SCUBE1: variants seen among roughly 807,000 people sequenced by gnomAD.
The protein encoded by SCUBE1 is signal peptide, CUB domain and EGF like domain containing 1, also known as signal peptide, CUB and EGF-like domain-containing protein 1.
In SCUBE1, 59 loss-of-function variants were observed where a neutral mutation model predicts 124.4. The ratio of observed to expected loss-of-function variants is 0.47; its 90% CI spans 0.38 to 0.59. The LOEUF (loss-of-function observed/expected upper bound fraction) is 0.59. Ranked by LOEUF, SCUBE1 falls within the 20% of genes least tolerant of loss-of-function variation. SCUBE1 has a pLI of 0.00. For synonymous variants in SCUBE1, 545 were observed against 550.9 expected (o/e 0.99, Z 0.15); for missense variants, 1,150 against 1,371.2 (o/e 0.84, Z 2.55).
chr22:43,258,404 T>C lies in SCUBE1; in HGVS notation c.611-69A>G, dbSNP rs1407662194. On this transcript the variant is annotated intron_variant, in intron 5 of 21. Transcript: ENST00000360835. The surrounding 1 kb of genome is among the most constrained non-coding windows in gnomAD (Gnocchi z 5.0). The stretch of plus-strand genomic sequence containing the variant: ...ACAAAAACGGTTAGTTTGCCGGTGT[T>C]GGCGGCTGCCTTCAGGGTATGGGGA... The C allele has an allele frequency of 8.3e-7, 1 of 1,198,450 alleles. No individual in the cohort carries two copies. The highest frequency in any genetic ancestry group is 1.5e-5 in the African/African-American group (1 of 66,630). 74.2% of individuals were successfully genotyped at this position (1,198,450 alleles called of 1,614,324 possible). A position where few individuals can be genotyped will look rare whatever the true frequency, so the allele number is the denominator to read the frequency against.
chr22:43,221,437 G>T (rs1009121815), intron 12 of SCUBE1, 148 bp from the exon 13 acceptor site: 2 of 636,902 alleles, frequency 3.1e-6, no homozygotes, highest in Non-Finnish European at 5.7e-6. Context: ...CTCCTGGGGT[G>T]GGGGACCCTC....
chr22:43,280,542 C>CCTGTCCCTTCCCCTCACCCATCCTG (rs1569009559), intron 4 of SCUBE1, among the ~76,000 whole-genome samples: 6 of 69,748 alleles, frequency 8.6e-5, no homozygotes, highest in Admixed American at 1.7e-4. Context: ...CACCCATCCT[C>CCTGTCCCTTCCCCTCACCCATCCTG]CTGTCCCTTC....
intron 6 of SCUBE1, among the ~76,000 whole-genome samples, chr22:43,244,282 G>A (rs1923119690): frequency 6.6e-6 from 1 of 152,220 alleles, no homozygotes; most frequent in Admixed American, 6.5e-5. Flanking sequence ...CCCGAAAGCT[G>A]TCCCGAGCCT....
chr22:43,305,000 T>C (rs1254694060), intron 3 of SCUBE1, among the ~76,000 whole-genome samples: 1 of 152,180 alleles, frequency 6.6e-6, no homozygotes, highest in Admixed American at 6.5e-5. Flanking sequence ...ACCCGGGGCA[T>C]GTCCTGACAG....
chr22:43,292,435 T>C (rs982070012), intron 3 of SCUBE1, among the ~76,000 whole-genome samples: 1 of 152,286 alleles, frequency 6.6e-6, no homozygotes, highest in Middle Eastern at 3.4e-3. Flanking sequence ...GTTTGTTTAA[T>C]GAAAGAAGGG....
intron 5 of SCUBE1, among the ~76,000 whole-genome samples, chr22:43,261,920 G>A (rs1401162968): frequency 6.6e-6 from 1 of 152,194 alleles, no homozygotes; most frequent in Non-Finnish European, 1.5e-5. Context: ...GTAGCTGTGG[G>A]GAGGATGCAC....
chr22:43,256,800 G>A (rs1923677842), intron 6 of SCUBE1, among the ~76,000 whole-genome samples: 1 of 152,228 alleles, frequency 6.6e-6, no homozygotes, highest in Non-Finnish European at 1.5e-5. Flanking sequence ...GGGTGGCCCG[G>A]GAGAGCCCCA....
At chr22:43,335,823 A>ATGATGATAATGATGATGGTGG (rs1927051644) in intron 2 of SCUBE1, among the ~76,000 whole-genome samples, 1 of 134,776 alleles carries the variant, frequency 7.4e-6, no homozygotes, top group African/African-American at 2.7e-5. Context: ...GATGATGGTG[A>ATGATGATAATGATGATGGTGG]TGATGATGGT....
Position 43,199,301 on chromosome 22 carries a change from AGGGGCCTCC to A in SCUBE1, c.*4687_*4695del, listed in dbSNP as rs560124924. ...AGCATCGGTATGGCTTAAACAGGCC[AGGGGCCTCC>A]TGCCGTGGACAAGCCCAGGGGACAG... On this transcript the variant is annotated 3_prime_UTR_variant, in exon 22 of 22. Coordinates refer to ENST00000360835, the MANE Select transcript of SCUBE1 (RefSeq NM_173050.5). 233 of 160,978 alleles carry A rather than the reference AGGGGCCTCC, an allele frequency of 1.4e-3. 11 individuals carry two copies. Among genetic ancestry groups the A allele is most frequent in the South Asian group, 4.0e-3 (22 of 5,526 alleles). The allele number at this position is 160,978 out of a possible 1,614,324, so 10.0% of individuals were successfully genotyped here. A position where few individuals can be genotyped will look rare whatever the true frequency, so the allele number is the denominator to read the frequency against.
In SCUBE1 at chr22:43,258,817, G is replaced by A. The variant is rs1351358032; in HGVS notation, c.611-482C>T. On this transcript the variant is annotated intron_variant, in intron 5 of 21. Transcript: ENST00000360835. This position sits in a 1 kb window ranked among gnomAD's most constrained non-coding sequence, Gnocchi z 5.0. ...AGCTTTCCTTCCTCTGCCTGTCTTG[G>A]GGTGTGTGGATGTCTCCACGGAGGT... Among the ~76,000 whole-genome samples, 3 of 152,144 alleles carry A rather than the reference G, an allele frequency of 2.0e-5. No homozygotes were observed. Among genetic ancestry groups the A allele is most frequent in the Non-Finnish European group, 4.4e-5 (3 of 68,028 alleles).
At chr22:43,275,288 C>T (rs980918922) in intron 4 of SCUBE1, among the ~76,000 whole-genome samples, 1 of 152,222 alleles carries the variant, frequency 6.6e-6, no homozygotes, top group East Asian at 1.9e-4. Context: ...GTGCAGGACC[C>T]AGCAAACCAC....
At chr22:43,233,569 G>A (rs1041056224) in intron 7 of SCUBE1, 1 of 152,228 alleles carries the variant, frequency 6.6e-6, no homozygotes, top group African/African-American at 2.4e-5. Context: ...CATGGTTGCT[G>A]AGCCAGGTAC....
At chr22:43,246,979 G>A (rs139266854) in intron 6 of SCUBE1, among the ~76,000 whole-genome samples, 189 of 152,282 alleles carry the variant, frequency 1.2e-3, no homozygotes, top group African/African-American at 4.3e-3. Flanking sequence ...TCCTGGAGGG[G>A]TCCAGGTTAC....
intron 4 of SCUBE1, among the ~76,000 whole-genome samples, chr22:43,269,799 C>G (rs893830393): frequency 2.0e-5 from 3 of 152,172 alleles, no homozygotes; most frequent in Non-Finnish European, 4.4e-5. Flanking sequence ...AAAACAAACA[C>G]GAGCTCCCAC....
chr22:43,269,397 G>A (rs909376494), intron 4 of SCUBE1, among the ~76,000 whole-genome samples: 10 of 152,178 alleles, frequency 6.6e-5, no homozygotes, highest in African/African-American at 1.9e-4. Context: ...CAAAGTTCAC[G>A]GATGCATCTC....
chr22:43,209,020 G>A (rs1055294978), intron 19 of SCUBE1, among the ~76,000 whole-genome samples: 4 of 152,184 alleles, frequency 2.6e-5, no homozygotes, highest in African/African-American at 9.6e-5. Context: ...GCAGGGGAAC[G>A]GGTGAGGGGA....
At chr22:43,270,551 C>T (rs960736057) in intron 4 of SCUBE1, 1 of 152,264 alleles carries the variant, frequency 6.6e-6, no homozygotes, top group Admixed American at 6.5e-5. Flanking sequence ...CCATGGAGAG[C>T]CCCCTGTGGG....
In SCUBE1 at chr22:43,238,714, G is replaced by A. The variant is rs755535846; in HGVS notation, c.844+124C>T. ...ACAGCAAAGCAAATGATTGCCACGTGTCCTTTCCCACAGCTACACGTGGCC... is the reference window on the plus strand; with the variant it reads ...ACAGCAAAGCAAATGATTGCCACGTATCCTTTCCCACAGCTACACGTGGCC... On this transcript the variant is annotated intron_variant, in intron 7 of 21. Transcript: ENST00000360835. The A allele has an allele frequency of 3.8e-5, 31 of 820,298 alleles. No individual in the cohort carries two copies. In the East Asian group the frequency reaches 7.6e-4, roughly 20 times the overall value. The allele number at this position is 820,298 out of a possible 1,614,324, so 50.8% of individuals were successfully genotyped here. A position where few individuals can be genotyped will look rare whatever the true frequency, so the allele number is the denominator to read the frequency against.
Position 43,294,612 on chromosome 22 carries a change from CCT to C in SCUBE1, c.350-3434_350-3433del, listed in dbSNP as rs568678610. Among the ~76,000 whole-genome samples the C allele has an allele frequency of 2.8e-4, 42 of 152,346 alleles. No homozygotes were observed. In the Middle Eastern group the frequency reaches 0.01, roughly 37 times the overall value. On this transcript the variant is annotated intron_variant, in intron 3 of 21. Coordinates refer to ENST00000360835, the MANE Select transcript of SCUBE1 (RefSeq NM_173050.5). ...GGAGTCAGGCTCCCTGAGTTCTGCC[CCT>C]GTCTTGCCCTGTAGCCTGTGGGCGA...
Sources: allele counts gnomAD v4.1 joint callset (sites outside exome capture counted in the v4.1 genomes callset), GRCh38; gene constraint gnomAD v4.1.1; non-coding constraint Gnocchi (gnomAD v3.1); transcripts MANE v1.5; gene names NCBI Gene and HGNC (gene_info 2026-07-23, HGNC 2026-07-21).